CBARP: variants seen among roughly 807,000 people sequenced by gnomAD.
CBARP encodes the protein CACN subunit beta associated regulatory protein.
CBARP carries 24 observed loss-of-function variants against 36.3 expected under a neutral mutation model. That is an observed-to-expected ratio of 0.66 (90% CI 0.48 to 0.93). CBARP has a LOEUF of 0.93. Ranked by LOEUF, CBARP falls within the 40% of genes least tolerant of loss-of-function variation. The probability of loss-of-function intolerance (pLI) is 0.00; values close to 1 mark genes in which losing one functional copy is unlikely to be tolerated. For missense variants in CBARP, 1,146 were observed against 980.4 expected, an observed-to-expected ratio of 1.17 and a Z score of -2.26; for synonymous variants, 586 against 453.2, an observed-to-expected ratio of 1.29 and a Z score of -3.72.
intron 8 of CBARP, among the ~76,000 whole-genome samples, chr19:1,231,776 C>T (rs1476667158): frequency 1.3e-5 from 2 of 152,010 alleles, no homozygotes; most frequent in Admixed American, 1.3e-4. Flanking sequence ...GCTGTGTGTA[C>T]ACCCTGGAGT....
chr19:1,235,736 A>C, intron 3 of CBARP, 43 bp downstream of exon 3: 1 of 1,605,470 alleles, frequency 6.2e-7, no homozygotes. Flanking sequence ...GATGGCACCC[A>C]CAACCACCAT....
At position 1,235,584 on chromosome 19, in the gene CBARP, G is replaced by A; in HGVS notation, c.246-19C>T. Reference sequence around the variant, plus strand: ...CATGGCCCTGGGAGAGACGTTGGGAGAGCCCAGTGGCACGGAGGGCCCAGA... The same window carrying A: ...CATGGCCCTGGGAGAGACGTTGGGAAAGCCCAGTGGCACGGAGGGCCCAGA... On this transcript the variant is annotated intron_variant, in intron 3 of 9. Transcript: ENST00000650044. 1 of 1,605,494 alleles carries A rather than the reference G, an allele frequency of 6.2e-7. No individual in the cohort carries two copies. Among genetic ancestry groups the A allele is most frequent in the Non-Finnish European group, 8.5e-7 (1 of 1,176,408 alleles).
chr19:1,229,389 G>C lies in CBARP; in HGVS notation c.1908C>G (p.Asp636Glu). ...CCTCGATGACGGGGATGGCGGGGTC[G>C]TCGCCGGCGCCGCCCAGGGTGCGAC... is the stretch of plus-strand genomic sequence containing the variant. ...PDGRTLGGAG[D>E]DPAIPVIEEE... is the part of the protein sequence containing the mutation. Residue 636 changes from aspartate (D) to glutamate (E), a missense_variant, in exon 10 of 10, where the codon GAC becomes GAG. Coordinates refer to ENST00000650044, the MANE Select transcript of CBARP (RefSeq NM_001393918.1). The surrounding 1 kb of genome is among the most constrained non-coding windows in gnomAD (Gnocchi z 5.1). 8.9e-7 allele frequency: 1 copy of C among 1,122,704 alleles called. No individual in the cohort carries two copies. Among genetic ancestry groups the C allele is most frequent in the Non-Finnish European group, 1.1e-6 (1 of 903,786 alleles). 69.5% of individuals were successfully genotyped at this position (1,122,704 alleles called of 1,614,324 possible).
chr19:1,235,933 G>T lies in CBARP; in HGVS notation c.106-15C>A, dbSNP rs201506885. The T allele has an allele frequency of 6.2e-6, 10 of 1,605,134 alleles. No individual in the cohort carries two copies. The East Asian group carries it at 1.6e-4, about 25-fold the overall frequency. ...TCTGGCTCTGCCTGCGGGTGTGCAG[G>T]GGGGGTCAGGTGCTGCTGGCCTGGA... is the stretch of plus-strand genomic sequence containing the variant. On this transcript the variant is annotated splice_polypyrimidine_tract_variant and intron_variant, in intron 2 of 9. Transcript: ENST00000650044.
chr19:1,230,458 G>A (rs1371830842), intron 9 of CBARP: 2 of 995,630 alleles, frequency 2.0e-6, no homozygotes, highest in Non-Finnish European at 2.4e-6. Context: ...CAGCCTCCCA[G>A]TGGACGTGGG....
At chr19:1,235,419 G>T in intron 4 of CBARP, 82 bp downstream of exon 4, 1 of 1,388,242 alleles carries the variant, frequency 7.2e-7, no homozygotes, top group African/African-American at 1.5e-5. Flanking sequence ...AGACACAGAC[G>T]GTCAGGCAGC....
intron 1 of CBARP, among the ~76,000 whole-genome samples, chr19:1,237,122 G>A (rs112581657): frequency 6.6e-6 from 1 of 152,208 alleles, no homozygotes; most frequent in South Asian, 2.1e-4. Context: ...ACCTTTCCCG[G>A]AGCGAGAGGA....
chr19:1,230,590 C>T (rs759956048), intron 9 of CBARP: 33 of 1,178,096 alleles, frequency 2.8e-5, no homozygotes, highest in East Asian at 4.0e-5. Flanking sequence ...GAGGGTCACC[C>T]GCCATACCAG....
Position 1,234,318 on chromosome 19 carries a change from G to A in CBARP, c.641C>T (p.Ala214Val), listed in dbSNP as rs1255001486. Reference protein sequence around the residue: ...TLAIFQPPGKALTGRSVGPSS... With the variant: ...TLAIFQPPGKVLTGRSVGPSS... ...GGGGCCCACAGAGCGGCCGGTGAGG[G>A]CCTTCCCCGGGGGCTGTGGGACAGA... is the stretch of plus-strand genomic sequence containing the variant. The change falls in exon 7 of 10, where the codon GCC becomes GTC. Residue 214 changes from alanine to valine, a missense_variant. Ala to Val is a moderately conservative substitution (Grantham distance 64). Coordinates refer to ENST00000650044, the MANE Select transcript of CBARP (RefSeq NM_001393918.1). The A allele has an allele frequency of 6.9e-7, 1 of 1,444,622 alleles. No individual in the cohort carries two copies. Among genetic ancestry groups the A allele is most frequent in the Non-Finnish European group, 9.1e-7 (1 of 1,096,416 alleles). 89.5% of individuals were successfully genotyped at this position (1,444,622 alleles called of 1,614,324 possible). A position where few individuals can be genotyped will look rare whatever the true frequency, so the allele number is the denominator to read the frequency against.
intron 7 of CBARP, 113 bp from the exon 8 acceptor site, chr19:1,233,749 C>T: frequency 9.5e-7 from 1 of 1,052,852 alleles, no homozygotes; most frequent in Admixed American, 2.6e-5. Flanking sequence ...ATCACTGGGA[C>T]AGAGAGGGGT....
At position 1,233,670 on chromosome 19, in the gene CBARP, ACTT is replaced by A. The variant is rs1330320881; in HGVS notation, c.769-37_769-35del. On this transcript the variant is annotated intron_variant, in intron 7 of 9. Coordinates refer to ENST00000650044, the MANE Select transcript of CBARP (RefSeq NM_001393918.1). ...GAACAGAGATGGCGCTCAGGCTAAG[ACTT>A]CTTCCTGGGCCCGTGTGCTGGCCCC... 2.5e-6 allele frequency: 4 copies of A among 1,572,900 alleles called. No individual in the cohort carries two copies. In the African/African-American group the frequency reaches 5.4e-5, roughly 21 times the overall value.
At chr19:1,238,264 G>GT (rs2081003329), upstream of CBARP, 1 of 152,232 alleles carries the variant, frequency 6.6e-6, no homozygotes, top group Non-Finnish European at 1.5e-5. Flanking sequence ...GGTCCGGGGG[G>GT]GCACGGACTC....
chr19:1,233,833 C>T lies in CBARP; in HGVS notation c.769-197G>A, dbSNP rs368694604. On this transcript the variant is annotated intron_variant, in intron 7 of 9. Transcript: ENST00000650044. Reference sequence around the variant, plus strand: ...GGTGGGCTACACTAAGGTGCTCTGCCCTCTGGGGAAGGTCCCTGGATATGG... The same window carrying T: ...GGTGGGCTACACTAAGGTGCTCTGCTCTCTGGGGAAGGTCCCTGGATATGG... Among the ~76,000 whole-genome samples the T allele has an allele frequency of 6.6e-4, 100 of 152,310 alleles. 2 individuals carry two copies. In the South Asian group the frequency reaches 0.015, roughly 23 times the overall value.
At chr19:1,235,624 C>T (rs1233560724) in intron 3 of CBARP, 59 bp from the exon 4 acceptor site, 1 of 1,586,768 alleles carries the variant, frequency 6.3e-7, no homozygotes, top group South Asian at 1.1e-5. Flanking sequence ...CACAGTGGGT[C>T]TCGGCTCTTT....
rs1336682241 is a variant in CBARP at position 1,235,111 on chromosome 19, C to T, written c.345G>A (p.Gln115=). The stretch of plus-strand genomic sequence containing the variant: ...ACAGGAAGCGTTCGGTCTCCGCATC[C>T]TGGCACTCGGGGTCCTCTCCCCGGA... ...PDFRGEDPEC[Q]DAETERFLST... is the part of the protein sequence containing the mutation. Residue 115 remains glutamine, a synonymous_variant, in exon 5 of 10, where the codon CAG becomes CAA. Transcript: ENST00000650044. 6.2e-7 allele frequency: 1 copy of T among 1,602,626 alleles called. No individual in the cohort carries two copies. The highest frequency in any genetic ancestry group is 8.5e-7 in the Non-Finnish European group (1 of 1,175,284).
At chr19:1,231,319 C>T in intron 8 of CBARP, 44 bp from the exon 9 acceptor site, 1 of 1,574,966 alleles carries the variant, frequency 6.3e-7, no homozygotes, top group Non-Finnish European at 8.6e-7. Flanking sequence ...CATGTGCCTC[C>T]ACCCGCTCCA....
chr19:1,231,037 G>C lies in CBARP; in HGVS notation c.1154+64C>G, dbSNP rs549881842. The C allele has an allele frequency of 6.2e-5, 96 of 1,555,386 alleles. No homozygotes were observed. The Middle Eastern group carries it at 6.9e-4, about 11-fold the overall frequency. On this transcript the variant is annotated intron_variant, in intron 9 of 9. Transcript: ENST00000650044. ...GAGAGCGCTCCCTGGGCCGCCTAGG[G>C]GGGGGCGAAGGGGGGCAAGGGCCCA...
chr19:1,231,308 G>A (rs771682648), intron 8 of CBARP, 33 bp from the exon 9 acceptor site: 5 of 1,587,216 alleles, frequency 3.2e-6, no homozygotes, highest in East Asian at 4.5e-5. Flanking sequence ...GCGTCAGCCG[G>A]CATGTGCCTC....
chr19:1,231,728 G>C (rs931781196), intron 8 of CBARP, among the ~76,000 whole-genome samples: 2 of 151,876 alleles, frequency 1.3e-5, no homozygotes, highest in Admixed American at 1.3e-4. Flanking sequence ...GCCAGACCCT[G>C]GCTGGCATCT....
Sources: gnomAD v4.1 joint callset for allele counts (sites outside exome capture counted in the v4.1 genomes callset) on GRCh38, gnomAD v4.1.1 for gene constraint, Gnocchi (gnomAD v3.1) non-coding constraint, MANE v1.5 for transcripts, NCBI Gene and HGNC (gene_info 2026-07-23, HGNC 2026-07-21) for gene names.